The following CNTNAP2 variants were observed in gnomAD, a reference collection of about 807,000 sequenced individuals.
CNTNAP2 encodes the protein contactin-associated protein-like 2.
Under a neutral mutation model 155.2 loss-of-function variants are expected in CNTNAP2, and 98 were observed. The observed-to-expected ratio is 0.63, with a 90% CI of 0.54 to 0.75. The LOEUF (loss-of-function observed/expected upper bound fraction) is 0.75. Among genes scored for constraint, CNTNAP2 ranks in the 30% least tolerant of loss-of-function variants. The pLI is 0.00. For missense variants in CNTNAP2, 1,727 were observed against 1,688.1 expected, an observed-to-expected ratio of 1.02 and a Z score of -0.40; for synonymous variants, 651 against 631.2, an observed-to-expected ratio of 1.03 and a Z score of -0.47.
chr7:146,322,939 C>T (rs536106310), intron 1 of CNTNAP2, among the ~76,000 whole-genome samples: 1 of 151,952 alleles, frequency 6.6e-6, no homozygotes, highest in South Asian at 2.1e-4. Flanking sequence ...GAAAATGAGT[C>T]ATTTTCTTAC....
At chr7:148,257,947 A>ATG (rs377722868) in intron 20 of CNTNAP2, among the ~76,000 whole-genome samples, 50,188 of 151,908 alleles carry the variant, frequency 0.33, 8,947 homozygotes, top group South Asian at 0.6. Context: ...ACACACACAC[A>ATG]GACAGATTTA....
At chr7:147,734,152 T>C (rs1247423461) in intron 13 of CNTNAP2, among the ~76,000 whole-genome samples, 1 of 152,182 alleles carries the variant, frequency 6.6e-6, no homozygotes, top group Non-Finnish European at 1.5e-5. Context: ...GGCTGTGGGT[T>C]TGTCATAAAT....
intron 1 of CNTNAP2, among the ~76,000 whole-genome samples, chr7:146,504,206 A>G (rs1278987375): frequency 6.6e-6 from 1 of 152,228 alleles, no homozygotes; most frequent in Non-Finnish European, 1.5e-5. Flanking sequence ...CCCACAGGGC[A>G]GAAACCTGGA....
chr7:146,525,570 A>ATCTATCTC lies in CNTNAP2; in HGVS notation c.98-248693_98-248686dup, dbSNP rs1438272701. Among the ~76,000 whole-genome samples, 1,019 of 140,186 alleles carry ATCTATCTC rather than the reference A, an allele frequency of 7.3e-3. 13 individuals carry two copies. The highest frequency in any genetic ancestry group is 0.031 in the African/African-American group (967 of 31,462). 92.0% of individuals were successfully genotyped at this position (140,186 alleles called of 152,430 possible). A position where few individuals can be genotyped will look rare whatever the true frequency, so the allele number is the denominator to read the frequency against. ...TATCTATCTATCTATCTATCTATCT[A>ATCTATCTC]TCTATCTCTCTATCTATCATCTATC... is the stretch of plus-strand genomic sequence containing the variant. On this transcript the variant is annotated intron_variant, in intron 1 of 23. Transcript: ENST00000361727.
chr7:146,392,632 C>T (rs902740160), intron 1 of CNTNAP2, among the ~76,000 whole-genome samples: 1 of 152,142 alleles, frequency 6.6e-6, no homozygotes, highest in African/African-American at 2.4e-5. Context: ...TTTCAATATT[C>T]CTCTTTCCTA....
intron 8 of CNTNAP2, among the ~76,000 whole-genome samples, chr7:147,202,394 C>A (rs1042551551): frequency 2.0e-5 from 3 of 151,936 alleles, no homozygotes; most frequent in Non-Finnish European, 4.4e-5. Flanking sequence ...ATGCATGATT[C>A]TTTTACAAAT....
chr7:147,410,065 A>G lies in CNTNAP2; in HGVS notation c.1670+14285A>G, dbSNP rs1018323695. Among the ~76,000 whole-genome samples, 202 of 152,236 alleles carry G rather than the reference A, an allele frequency of 1.3e-3. 5 individuals are homozygous for G. Among genetic ancestry groups the G allele is most frequent in the Non-Finnish European group, 1.6e-4 (11 of 68,042 alleles). ...ATCCCATTACTGGGTATGTAACCAA[A>G]GAATATAAATCATTCTATTAGAAAG... On this transcript the variant is annotated intron_variant, in intron 10 of 23. Transcript: ENST00000361727.
chr7:146,355,622 G>A (rs1794986089), intron 1 of CNTNAP2, among the ~76,000 whole-genome samples: 3 of 152,052 alleles, frequency 2.0e-5, no homozygotes. Flanking sequence ...AATAATGCAG[G>A]GATGTTCTAC....
At chr7:146,712,485 T>C (rs149839510) in intron 1 of CNTNAP2, among the ~76,000 whole-genome samples, 1 of 149,524 alleles carries the variant, frequency 6.7e-6, no homozygotes, top group African/African-American at 2.4e-5. Context: ...CTTTGAAGAA[T>C]AGAAAGTTTT....
chr7:147,998,105 T>C (rs77754354), intron 15 of CNTNAP2, among the ~76,000 whole-genome samples: 1 of 23,444 alleles, frequency 4.3e-5, no homozygotes, highest in Admixed American at 5.0e-4. Flanking sequence ...TCTTTTTTCT[T>C]TTTTTTTTTT....
intron 9 of CNTNAP2, among the ~76,000 whole-genome samples, chr7:147,374,825 G>A (rs567880419): frequency 3.9e-5 from 6 of 151,962 alleles, no homozygotes; most frequent in African/African-American, 9.7e-5. Flanking sequence ...AGCAGTGAGC[G>A]TTACTGGGTC....
At chr7:147,702,054 G>GTT (rs1584908126) in intron 13 of CNTNAP2, among the ~76,000 whole-genome samples, 1 of 121,296 alleles carries the variant, frequency 8.2e-6, no homozygotes, top group African/African-American at 3.7e-5. Flanking sequence ...CACTTTGGTT[G>GTT]GTTTTTTTTT....
intron 1 of CNTNAP2, among the ~76,000 whole-genome samples, chr7:146,468,095 AAAAG>A (rs1409265023): frequency 2.6e-5 from 4 of 152,212 alleles, no homozygotes; most frequent in Admixed American, 2.6e-4. Flanking sequence ...TTTTGGGTGC[AAAAG>A]AAAGCATAAT....
chr7:147,154,122 G>T (rs746766497), intron 8 of CNTNAP2, among the ~76,000 whole-genome samples: 18 of 151,426 alleles, frequency 1.2e-4, no homozygotes, highest in South Asian at 6.3e-4. Context: ...AAAAAAAGAA[G>T]AATAATTACC....
chr7:147,607,531 A>C (rs1801094190), intron 12 of CNTNAP2, among the ~76,000 whole-genome samples: 1 of 152,188 alleles, frequency 6.6e-6, no homozygotes, highest in Admixed American at 6.5e-5. Flanking sequence ...AACCCCGTCA[A>C]GGGAAAGTCA....
chr7:146,673,399 A>T, intron 1 of CNTNAP2, among the ~76,000 whole-genome samples: 1 of 152,234 alleles, frequency 6.6e-6, no homozygotes, highest in Non-Finnish European at 1.5e-5. Context: ...TATAATAGTT[A>T]TGCCAGAAAC....
At chr7:148,183,868 TA>T (rs1204761398) in intron 18 of CNTNAP2, among the ~76,000 whole-genome samples, 1 of 152,234 alleles carries the variant, frequency 6.6e-6, no homozygotes, top group African/African-American at 2.4e-5. Context: ...TTAGCTTAAC[TA>T]TTTTTCAAAT....
At chr7:148,027,234 C>A (rs1451627690) in intron 15 of CNTNAP2, among the ~76,000 whole-genome samples, 1 of 152,158 alleles carries the variant, frequency 6.6e-6, no homozygotes, top group African/African-American at 2.4e-5. Flanking sequence ...TCTCCATAGG[C>A]CTATTCAGAT....
intron 17 of CNTNAP2, among the ~76,000 whole-genome samples, chr7:148,161,778 T>G (rs1187335742): frequency 1.3e-5 from 2 of 152,266 alleles, no homozygotes; most frequent in Non-Finnish European, 2.9e-5. Context: ...CTTCTTGCTC[T>G]TATTTAACAA....
Sources: allele counts gnomAD v4.1 joint callset (sites outside exome capture counted in the v4.1 genomes callset), GRCh38; gene constraint gnomAD v4.1.1; transcripts MANE v1.5; gene names NCBI Gene and HGNC (gene_info 2026-07-23, HGNC 2026-07-21).